SLC3A2: variants seen among roughly 807,000 people sequenced by gnomAD.
The protein encoded by SLC3A2 is solute carrier family 3 member 2, also known as amino acid transporter heavy chain SLC3A2.
A neutral mutation model predicts 48.5 loss-of-function variants in SLC3A2; 32 were observed. That is an observed-to-expected ratio of 0.66 (90% CI 0.50 to 0.89). The LOEUF (loss-of-function observed/expected upper bound fraction) is 0.89, where lower values mean the gene tolerates loss of function less well. Among genes scored for constraint, SLC3A2 ranks in the 40% least tolerant of loss-of-function variants. SLC3A2 has a pLI of 0.00. For synonymous variants in SLC3A2, 277 were observed against 288.8 expected (o/e 0.96, Z 0.41); for missense variants, 587 against 680.7 (o/e 0.86, Z 1.53).
At chr11:62,861,409 C>A (rs1326331898) in intron 1 of SLC3A2, among the ~76,000 whole-genome samples, 1 of 152,124 alleles carries the variant, frequency 6.6e-6, no homozygotes, top group Non-Finnish European at 1.5e-5. Context: ...CAGGCATGGG[C>A]CACCGTGCCC....
intron 1 of SLC3A2, among the ~76,000 whole-genome samples, chr11:62,860,213 C>T (rs184860007): frequency 1.3e-5 from 2 of 152,026 alleles, no homozygotes; most frequent in East Asian, 3.9e-4. Context: ...CAGTAAAGAG[C>T]AGTATTGGCC....
rs1033183552 is a variant in SLC3A2 at position 62,888,192 on chromosome 11, G to A, written c.1201G>A (p.Ala401Thr). The change falls in exon 8 of 9, where the codon GCT becomes ACT. Residue 401 changes from alanine to threonine, a missense_variant. Physicochemically the swap from Ala to Thr is moderately conservative, Grantham distance 58. Around this residue, in one of 3 missense-constraint regions of SLC3A2, gnomAD observed 169 missense variants for 204.4 expected, o/e 0.83. Coordinates refer to ENST00000338663, the MANE Select transcript of SLC3A2 (RefSeq NM_001013251.3). ...DESSFPDIPG[A>T]VSANMTVKGQ... ...GTCCAGCTTCCCTGACATCCCAGGG[G>A]CTGTAAGTGCCAACATGACTGTGAA... The A allele has an allele frequency of 5.0e-6, 8 of 1,613,960 alleles. No individual in the cohort carries two copies. In the African/African-American group the frequency reaches 9.3e-5, roughly 19 times the overall value.
intron 1 of SLC3A2, among the ~76,000 whole-genome samples, chr11:62,875,388 T>A (rs923507024): frequency 6.6e-6 from 1 of 152,048 alleles, no homozygotes; most frequent in Non-Finnish European, 1.5e-5. Flanking sequence ...CTACTAAAAA[T>A]ACACAAAAAA....
chr11:62,881,844 C>G lies in SLC3A2; in HGVS notation c.425-49C>G. 6.3e-7 allele frequency: 1 copy of G among 1,595,758 alleles called. No homozygotes were observed. The highest frequency in any genetic ancestry group is 1.1e-5 in the South Asian group (1 of 90,306). The stretch of plus-strand genomic sequence containing the variant: ...CTGGGAGAAGGGAGGGTGGGGAGGT[C>G]AGGGGCCTCTCAGAGGGGCCTCACT... On this transcript the variant is annotated intron_variant, in intron 1 of 8. Transcript: ENST00000338663. The surrounding 1 kb of genome is among the most constrained non-coding windows in gnomAD (Gnocchi z 4.0).
chr11:62,859,051 A>T (rs532180322), intron 1 of SLC3A2, among the ~76,000 whole-genome samples: 1 of 152,206 alleles, frequency 6.6e-6, no homozygotes, highest in East Asian at 1.9e-4. Context: ...AATCCTCCTC[A>T]GCACAGACGC....
intron 1 of SLC3A2, among the ~76,000 whole-genome samples, chr11:62,873,992 T>C (rs2085545244): frequency 7.3e-6 from 1 of 136,454 alleles, no homozygotes; most frequent in African/African-American, 2.8e-5. Flanking sequence ...TTTTTTTTTT[T>C]TTTTTTTTTT....
chr11:62,875,200 T>C (rs2134997185), intron 1 of SLC3A2, among the ~76,000 whole-genome samples: 1 of 152,300 alleles, frequency 6.6e-6, no homozygotes, highest in African/African-American at 2.4e-5. Flanking sequence ...ACAGAGACAG[T>C]CTCCTGAAGA....
intron 7 of SLC3A2, chr11:62,887,915 C>G (rs957618903): frequency 1.3e-5 from 6 of 446,406 alleles, no homozygotes; most frequent in African/African-American, 7.9e-5. Flanking sequence ...TCCTCAGCCT[C>G]CCCAGTATCT....
chr11:62,865,792 T>C (rs943735323), intron 1 of SLC3A2, among the ~76,000 whole-genome samples: 4 of 152,102 alleles, frequency 2.6e-5, no homozygotes, highest in Non-Finnish European at 4.4e-5. Flanking sequence ...TGGCTACCCC[T>C]GCAACATTGA....
In SLC3A2 at chr11:62,881,092, G is replaced by T. The variant is rs765191693; in HGVS notation, c.69G>T (p.Pro23=). The T allele has an allele frequency of 2.5e-6, 4 of 1,609,346 alleles. No homozygotes were observed. The South Asian group carries it at 4.4e-5, about 18-fold the overall frequency. The change falls in exon 1 of 9, where the codon CCG becomes CCT. Residue 23 remains proline, a synonymous_variant. Coordinates refer to ENST00000338663, the MANE Select transcript of SLC3A2 (RefSeq NM_001013251.3). The surrounding 1 kb of genome is among the most constrained non-coding windows in gnomAD (Gnocchi z 4.0). ...ELNELEPEKQ[P]MNAASGAAMS... ...ATGAGTTAGAGCCCGAGAAGCAGCCGATGAACGCGGCGTCTGGGGCGGCCA... is the reference window on the plus strand; with the variant it reads ...ATGAGTTAGAGCCCGAGAAGCAGCCTATGAACGCGGCGTCTGGGGCGGCCA...
chr11:62,881,015 G>T lies in SLC3A2; in HGVS notation c.-9G>T, dbSNP rs770285064. ...CAAGCTGCGTCGTGTCGCCGGTTCT[G>T]CAGGCACCATGAGCCAGGACACCGA... On this transcript the variant is annotated 5_prime_UTR_variant, in exon 1 of 9. Transcript: ENST00000338663. The surrounding 1 kb of genome is among the most constrained non-coding windows in gnomAD (Gnocchi z 4.0). 2.6e-6 allele frequency: 4 copies of T among 1,557,878 alleles called. No individual in the cohort carries two copies. The African/African-American group carries it at 4.1e-5, about 16-fold the overall frequency.
At position 62,888,115 on chromosome 11, in the gene SLC3A2, C is replaced by A. The variant is rs1351668902; in HGVS notation, c.1144-20C>A. The A allele has an allele frequency of 1.2e-6, 2 of 1,610,294 alleles. No individual in the cohort carries two copies. The highest frequency in any genetic ancestry group is 1.7e-6 in the Non-Finnish European group (2 of 1,177,708). On this transcript the variant is annotated intron_variant, in intron 7 of 8. Coordinates refer to ENST00000338663, the MANE Select transcript of SLC3A2 (RefSeq NM_001013251.3). ...CCTGACCCCAGGCCTTTTTAAAGTC[C>A]TATTTTCTCTGCTTTTCAGCCTATG...
chr11:62,884,616 G>T lies in SLC3A2; in HGVS notation c.760-16G>T, dbSNP rs1156936406. 3.1e-6 allele frequency: 5 copies of T among 1,611,380 alleles called. No individual in the cohort carries two copies. The South Asian group carries it at 5.5e-5, about 18-fold the overall frequency. ...ATAATATTCTCTGGTCCTTGATTCTGCTTTTTTCTTTCTAGGATGCATCCT... is the reference window on the plus strand; with the variant it reads ...ATAATATTCTCTGGTCCTTGATTCTTCTTTTTTCTTTCTAGGATGCATCCT... On this transcript the variant is annotated splice_polypyrimidine_tract_variant and intron_variant, in intron 4 of 8. Coordinates refer to ENST00000338663, the MANE Select transcript of SLC3A2 (RefSeq NM_001013251.3).
chr11:62,867,312 C>A (rs192966096), intron 1 of SLC3A2, among the ~76,000 whole-genome samples: 1,424 of 102,162 alleles, frequency 0.014, 21 homozygotes, highest in African/African-American at 0.051. Context: ...TATTCTTTCT[C>A]TTTTCTTTTC....
rs1193855295 is a variant in SLC3A2, at chr11:62,857,873, AG to A, written c.112+1494del. Among the ~76,000 whole-genome samples the A allele has an allele frequency of 1.1e-4, 16 of 152,152 alleles. 1 individual carries two copies. The South Asian group carries it at 3.3e-3, about 32-fold the overall frequency. ...GACTTGGGAGGGGAATTCCAGTTAAAGGAACAACTGGAGCACAAGCTTGGTG... is the reference window on the plus strand; with the variant it reads ...GACTTGGGAGGGGAATTCCAGTTAAAGAACAACTGGAGCACAAGCTTGGTG... On this transcript the variant is annotated intron_variant, in intron 1 of 9. Coordinates refer to the SLC3A2 transcript ENST00000377889.
upstream of SLC3A2, among the ~76,000 whole-genome samples, chr11:62,878,740 G>A (rs2085596357): frequency 6.8e-6 from 1 of 147,784 alleles, no homozygotes; most frequent in South Asian, 2.1e-4. Context: ...GCCTCCCAAA[G>A]TGCTGGTATT....
At chr11:62,869,078 T>C (rs1014732054) in intron 1 of SLC3A2, among the ~76,000 whole-genome samples, 1 of 151,834 alleles carries the variant, frequency 6.6e-6, no homozygotes, top group Non-Finnish European at 1.5e-5. Context: ...TTTGTATTTT[T>C]AGTAGAGACA....
intron 1 of SLC3A2, among the ~76,000 whole-genome samples, chr11:62,867,471 G>A (rs1275370034): frequency 6.6e-6 from 1 of 151,012 alleles, no homozygotes; most frequent in African/African-American, 2.4e-5. Flanking sequence ...GATTACAGGC[G>A]TGCACCATCA....
chr11:62,888,815 T>G lies in SLC3A2; in HGVS notation c.*122T>G. On this transcript the variant is annotated 3_prime_UTR_variant, in exon 9 of 9. Coordinates refer to ENST00000338663, the MANE Select transcript of SLC3A2 (RefSeq NM_001013251.3). ...TGCAGATTATGAGTGAACCCCCAAA[T>G]AGGGTGTTTTCTGCCTTCAAATAAA... 1 of 945,478 alleles carries G rather than the reference T, an allele frequency of 1.1e-6. No individual in the cohort carries two copies. The highest frequency in any genetic ancestry group is 1.5e-6 in the Non-Finnish European group (1 of 647,100). 58.6% of individuals were successfully genotyped at this position (945,478 alleles called of 1,614,324 possible).
Sources: gnomAD v4.1 joint callset for allele counts (sites outside exome capture counted in the v4.1 genomes callset) on GRCh38, gnomAD v4.1.1 for gene constraint, gnomAD v4.1.1 regional missense constraint, Gnocchi (gnomAD v3.1) non-coding constraint, MANE v1.5 for transcripts, NCBI Gene and HGNC (gene_info 2026-07-23, HGNC 2026-07-21) for gene names.